The following FAM167A variants were observed in gnomAD, a reference collection of about 807,000 sequenced individuals.
FAM167A encodes the protein protein FAM167A.
Under a neutral mutation model 14.9 loss-of-function variants are expected in FAM167A, and 23 were observed. The observed-to-expected ratio is 1.55, with a 90% confidence interval of 1.11 to 2.19. FAM167A has a LOEUF of 2.19. Among genes scored for constraint, FAM167A ranks in the 30% most tolerant of loss-of-function variants. FAM167A has a pLI of 0.00. For synonymous variants in FAM167A, 174 were observed against 117.7 expected, an observed-to-expected ratio of 1.48 and a Z score of -3.10; for missense variants, 401 against 281.5, an observed-to-expected ratio of 1.42 and a Z score of -3.04.
chr8:11,459,173 G>C (rs924107941), intron 1 of FAM167A, among the ~76,000 whole-genome samples: 42 of 152,186 alleles, frequency 2.8e-4, no homozygotes, highest in African/African-American at 8.4e-4. Context: ...GCCAGGCACT[G>C]TGCAATATCT....
At chr8:11,438,478 G>A (rs1305609953) in intron 2 of FAM167A, 5 of 457,266 alleles carry the variant, frequency 1.1e-5, no homozygotes, top group East Asian at 6.9e-5. Context: ...AATGCATACC[G>A]ATTACATTGG....
chr8:11,445,725 G>A (rs866278167), intron 1 of FAM167A, among the ~76,000 whole-genome samples: 2 of 152,086 alleles, frequency 1.3e-5, no homozygotes, highest in Non-Finnish European at 2.9e-5. Flanking sequence ...TCTGTGGTCC[G>A]AGGTCCATGG....
chr8:11,456,833 T>A (rs1239344616), intron 1 of FAM167A, among the ~76,000 whole-genome samples: 1 of 111,730 alleles, frequency 9.0e-6, no homozygotes, highest in Non-Finnish European at 1.8e-5. Context: ...TGGGTGGGGC[T>A]GGGTTAGGGA....
intron 1 of FAM167A, among the ~76,000 whole-genome samples, chr8:11,464,451 A>C (rs1807673168): frequency 3.4e-5 from 5 of 145,110 alleles, no homozygotes; most frequent in East Asian, 4.0e-4. Context: ...CCTGCTCCCC[A>C]CCTCCCCCTG....
chr8:11,454,164 G>A (rs1452867498), intron 1 of FAM167A, among the ~76,000 whole-genome samples: 2 of 152,210 alleles, frequency 1.3e-5, no homozygotes, highest in Admixed American at 6.5e-5. Flanking sequence ...TCACCTTCTT[G>A]ACCCCGACAC....
intron 2 of FAM167A, among the ~76,000 whole-genome samples, chr8:11,433,709 A>C (rs900772444): frequency 6.6e-6 from 1 of 152,152 alleles, no homozygotes; most frequent in Non-Finnish European, 1.5e-5. Flanking sequence ...TCAGGCTCTT[A>C]TCTCTCCTAT....
chr8:11,430,445 G>T (rs1805502953), intron 2 of FAM167A, among the ~76,000 whole-genome samples: 1 of 152,154 alleles, frequency 6.6e-6, no homozygotes, highest in Admixed American at 6.5e-5. Flanking sequence ...ACTGCACCTG[G>T]GTGAAGTGTT....
At chr8:11,474,191 G>C (rs186172819) in intron 1 of FAM167A, among the ~76,000 whole-genome samples, 1 of 152,170 alleles carries the variant, frequency 6.6e-6, no homozygotes, top group African/African-American at 2.4e-5. Context: ...GTTTTATCAC[G>C]TCTGCGCGCC....
chr8:11,445,352 A>G (rs908002932), intron 1 of FAM167A: 3 of 986,094 alleles, frequency 3.0e-6, no homozygotes, highest in Non-Finnish European at 3.6e-6. Context: ...CCTGTCCTCC[A>G]GCAGCCGTTT....
chr8:11,475,044 A>G (rs981486865), intron 1 of FAM167A, among the ~76,000 whole-genome samples: 1 of 152,110 alleles, frequency 6.6e-6, no homozygotes, highest in African/African-American at 2.4e-5. Flanking sequence ...TGTCAGAATA[A>G]ACAAATGAGC....
At chr8:11,428,481 T>C (rs962066842) in intron 2 of FAM167A, among the ~76,000 whole-genome samples, 2 of 152,224 alleles carry the variant, frequency 1.3e-5, no homozygotes, top group Non-Finnish European at 2.9e-5. Context: ...GAAAGAAAGC[T>C]GCAGCTTCAA....
chr8:11,436,675 A>G (rs55764254), intron 2 of FAM167A, among the ~76,000 whole-genome samples: 21,542 of 152,222 alleles, frequency 0.14, 2,011 homozygotes, highest in Non-Finnish European at 0.21. Context: ...CCAAGGTGAT[A>G]ACTGTCCTAT....
At chr8:11,436,345 G>T (rs570932965) in intron 2 of FAM167A, among the ~76,000 whole-genome samples, 71 of 152,310 alleles carry the variant, frequency 4.7e-4, no homozygotes, top group African/African-American at 1.7e-3. Flanking sequence ...GCAAGTGGGG[G>T]CCCTCGTGAG....
intron 2 of FAM167A, among the ~76,000 whole-genome samples, chr8:11,435,270 G>A (rs1289923499): frequency 6.6e-6 from 1 of 152,150 alleles, no homozygotes; most frequent in Non-Finnish European, 1.5e-5. Context: ...TCCCTGCAGA[G>A]GGGATGACAG....
intron 1 of FAM167A, among the ~76,000 whole-genome samples, chr8:11,454,074 T>C (rs1164362981): frequency 6.6e-6 from 1 of 152,178 alleles, no homozygotes; most frequent in Non-Finnish European, 1.5e-5. Context: ...GAAGGAAGAA[T>C]TAGCTACACT....
chr8:11,471,578 C>T (rs1807961523), upstream of FAM167A, among the ~76,000 whole-genome samples: 1 of 152,160 alleles, frequency 6.6e-6, no homozygotes, highest in South Asian at 2.1e-4. Flanking sequence ...TGGGCGGTCA[C>T]TTAAGTTTTC....
At chr8:11,428,545 G>A (rs1043496141) in intron 2 of FAM167A, among the ~76,000 whole-genome samples, 4 of 152,234 alleles carry the variant, frequency 2.6e-5, no homozygotes, top group Non-Finnish European at 5.9e-5. Flanking sequence ...AGAACATGAG[G>A]AGGGGGCTGG....
intron 1 of FAM167A, among the ~76,000 whole-genome samples, chr8:11,452,846 G>A (rs978121859): frequency 3.3e-5 from 5 of 152,174 alleles, no homozygotes; most frequent in African/African-American, 1.2e-4. Flanking sequence ...GCAATGGTAG[G>A]TCTCCTCAGA....
upstream of FAM167A, among the ~76,000 whole-genome samples, chr8:11,470,652 C>G (rs1462323003): frequency 6.6e-6 from 1 of 152,120 alleles, no homozygotes. Flanking sequence ...AAGGCGATTC[C>G]TGGATTCTAG....
Sources: allele counts gnomAD v4.1 joint callset (sites outside exome capture counted in the v4.1 genomes callset), GRCh38; gene constraint gnomAD v4.1.1; transcripts MANE v1.5; gene names NCBI Gene and HGNC (gene_info 2026-07-23, HGNC 2026-07-21).